The following RBM6 variants were observed in gnomAD, a reference collection of about 807,000 sequenced individuals.
The protein encoded by RBM6 is RNA-binding protein 6.
A neutral mutation model predicts 140.4 loss-of-function variants in RBM6; 23 were observed. That is an observed-to-expected ratio of 0.16 (90% confidence interval 0.12 to 0.23). The LOEUF is 0.23. RBM6 is among the 10% of genes least tolerant of loss of function. The pLI, the probability that RBM6 is intolerant of heterozygous loss-of-function variation, is 1.00. For synonymous variants in RBM6, 439 were observed against 475.6 expected (o/e 0.92, Z 1.00); for missense variants, 1,139 against 1,386.7 (o/e 0.82, Z 2.84).
At chr3:49,953,523 CTTT>C (rs796386335) in intron 1 of RBM6, among the ~76,000 whole-genome samples, 2 of 131,062 alleles carry the variant, frequency 1.5e-5, no homozygotes, top group Non-Finnish European at 1.6e-5. Flanking sequence ...CGAACCTGGC[CTTT>C]TTTTTTTTTT....
At chr3:50,038,432 C>G (rs1161081164) in intron 6 of RBM6, among the ~76,000 whole-genome samples, 3 of 152,186 alleles carry the variant, frequency 2.0e-5, no homozygotes, top group Admixed American at 2.0e-4. Flanking sequence ...GAGACCTATT[C>G]AATGAAGCAT....
intron 5 of RBM6, among the ~76,000 whole-genome samples, chr3:49,976,826 G>A (rs2085083134): frequency 6.6e-6 from 1 of 152,204 alleles, no homozygotes; most frequent in African/African-American, 2.4e-5. Context: ...GATTGTGGTA[G>A]CTGTTAGAAT....
chr3:49,956,426 C>CT (rs2108600285), intron 1 of RBM6, among the ~76,000 whole-genome samples: 1 of 148,946 alleles, frequency 6.7e-6, no homozygotes, highest in South Asian at 2.1e-4. Context: ...ACCTCCGCCT[C>CT]CCGGGTTCAG....
intron 5 of RBM6, among the ~76,000 whole-genome samples, chr3:49,982,262 C>CTTTTTTTTTTTTTTTTTTTTTTT (rs751604271): frequency 8.8e-5 from 6 of 68,426 alleles, no homozygotes; most frequent in African/African-American, 3.6e-4. Flanking sequence ...CTTTTCTTTT[C>CTTTTTTTTTTTTTTTTTTTTTTT]TTTTTTTTTT....
chr3:49,961,250 G>A (rs1167984460), intron 1 of RBM6, among the ~76,000 whole-genome samples: 2 of 152,004 alleles, frequency 1.3e-5, no homozygotes, highest in African/African-American at 2.4e-5. Flanking sequence ...GCTAATTTTT[G>A]TATTTTTAGT....
intron 17 of RBM6, among the ~76,000 whole-genome samples, chr3:50,066,931 TC>T (rs902406943): frequency 3.3e-5 from 5 of 152,064 alleles, no homozygotes; most frequent in Non-Finnish European, 5.9e-5. Context: ...ACACCTGTAA[TC>T]CCAGCACTTT....
intron 1 of RBM6, among the ~76,000 whole-genome samples, chr3:49,959,399 C>T (rs372717828): frequency 8.5e-5 from 12 of 140,934 alleles, no homozygotes; most frequent in African/African-American, 3.1e-4. Context: ...CGGGGTTTCA[C>T]TGTGTTAGCC....
chr3:50,000,335 G>GTT (rs372944661), intron 6 of RBM6, among the ~76,000 whole-genome samples: 1 of 121,250 alleles, frequency 8.2e-6, no homozygotes, highest in Non-Finnish European at 1.8e-5. Context: ...AGTTTGATGT[G>GTT]TTTTTTTTTT....
chr3:50,048,225 T>C lies in RBM6; in HGVS notation c.1558-20T>C. 1 of 1,611,420 alleles carries C rather than the reference T, an allele frequency of 6.2e-7. No homozygotes were observed. The highest frequency in any genetic ancestry group is 8.5e-7 in the Non-Finnish European group (1 of 1,178,820). ...TTCTCCAAGGGTTGATGTTGATGGC[T>C]TCTGTCTTTGTCTTTACAGGGAACT... is the stretch of plus-strand genomic sequence containing the variant. On this transcript the variant is annotated intron_variant, in intron 6 of 20. Coordinates refer to ENST00000266022, the MANE Select transcript of RBM6 (RefSeq NM_005777.3).
chr3:49,961,403 A>G (rs1427465150), intron 1 of RBM6, among the ~76,000 whole-genome samples: 2 of 152,110 alleles, frequency 1.3e-5, no homozygotes, highest in Non-Finnish European at 2.9e-5. Context: ...GGCTGGTCTC[A>G]AACTCCTTGG....
In RBM6 at chr3:50,044,349, C is replaced by T. The variant is rs886580168; in HGVS notation, c.1558-3896C>T. ...TTAAGAATGGACATCCACGGCTGGG[C>T]GCTGGGGCTCATGCCTGTAATCCCA... On this transcript the variant is annotated intron_variant, in intron 6 of 20. Transcript: ENST00000266022. Among the ~76,000 whole-genome samples, 12 of 151,994 alleles carry T rather than the reference C, an allele frequency of 7.9e-5. No individual in the cohort carries two copies. The South Asian group carries it at 1.7e-3, about 21-fold the overall frequency.
chr3:50,004,218 G>A (rs2086470413), intron 6 of RBM6, among the ~76,000 whole-genome samples: 1 of 151,942 alleles, frequency 6.6e-6, no homozygotes. Context: ...TCTGGGAGAG[G>A]TATTTATTTC....
At chr3:50,026,942 G>A (rs983429000) in intron 6 of RBM6, among the ~76,000 whole-genome samples, 8 of 151,046 alleles carry the variant, frequency 5.3e-5, no homozygotes, top group Admixed American at 2.0e-4. Flanking sequence ...GTAGGCATTT[G>A]ATGATTTGAT....
intron 19 of RBM6, among the ~76,000 whole-genome samples, chr3:50,074,768 T>C (rs901007798): frequency 2.0e-5 from 3 of 152,190 alleles, no homozygotes; most frequent in Non-Finnish European, 2.9e-5. Flanking sequence ...TCAGAGGTAC[T>C]GTTAAATATA....
rs1182511468 is a variant in RBM6, at chr3:50,065,238, T to C, written c.2682+112T>C. The C allele has an allele frequency of 5.3e-6, 4 of 754,538 alleles. No homozygotes were observed. In the South Asian group the frequency reaches 6.9e-5, roughly 13 times the overall value. 46.7% of individuals were successfully genotyped at this position (754,538 alleles called of 1,614,324 possible). A position where few individuals can be genotyped will look rare whatever the true frequency, so the allele number is the denominator to read the frequency against. ...CTCTGGTGTTGGTCTTTTACCTCACTATGTCTCCCGAATAAGGATTCCCAT... is the reference window on the plus strand; with the variant it reads ...CTCTGGTGTTGGTCTTTTACCTCACCATGTCTCCCGAATAAGGATTCCCAT... On this transcript the variant is annotated intron_variant, in intron 16 of 20. Coordinates refer to ENST00000266022, the MANE Select transcript of RBM6 (RefSeq NM_005777.3).
chr3:50,063,494 T>G (rs756723213), intron 15 of RBM6, among the ~76,000 whole-genome samples: 1 of 151,918 alleles, frequency 6.6e-6, no homozygotes, highest in East Asian at 1.9e-4. Context: ...TCCAAGCTAC[T>G]TGGGAGACTG....
intron 1 of RBM6, chr3:49,941,050 G>A (rs553540968): frequency 1.8e-4 from 28 of 152,020 alleles, no homozygotes; most frequent in African/African-American, 6.8e-4. Flanking sequence ...TGGTCACCTG[G>A]TTCATTTTCT....
intron 6 of RBM6, among the ~76,000 whole-genome samples, chr3:50,012,836 G>A (rs1352189535): frequency 5.4e-5 from 8 of 147,458 alleles, no homozygotes; most frequent in Admixed American, 2.1e-4. Context: ...TCCCCGTCCC[G>A]GGTTCAAGCA....
chr3:50,061,560 C>CTTTTTTTTTT lies in RBM6; in HGVS notation c.2439+28_2439+37dup, dbSNP rs10663019. 293 of 1,270,244 alleles carry CTTTTTTTTTT rather than the reference C, an allele frequency of 2.3e-4. No individual in the cohort carries two copies. Among genetic ancestry groups the CTTTTTTTTTT allele is most frequent in the South Asian group, 1.9e-3 (97 of 50,834 alleles). 78.7% of individuals were successfully genotyped at this position (1,270,244 alleles called of 1,614,324 possible). ...CCCCAATACCCAGGTGAGTTTGGGG[C>CTTTTTTTTTT]TTTTTTTTTTTTTTTTTTTTTTTTA... On this transcript the variant is annotated intron_variant, in intron 14 of 20. Coordinates refer to ENST00000266022, the MANE Select transcript of RBM6 (RefSeq NM_005777.3).
Sources: allele counts gnomAD v4.1 joint callset (sites outside exome capture counted in the v4.1 genomes callset), GRCh38; gene constraint gnomAD v4.1.1; transcripts MANE v1.5; gene names NCBI Gene and HGNC (gene_info 2026-07-23, HGNC 2026-07-21).